The following PCDH15 variants were observed in gnomAD, a reference collection of about 807,000 sequenced individuals.
PCDH15 encodes protocadherin-15.
In PCDH15, 129 loss-of-function variants were observed where a neutral mutation model predicts 178.5. That is an observed-to-expected ratio of 0.72 (90% CI 0.63 to 0.84). PCDH15 has a LOEUF of 0.84. Ranked by LOEUF, PCDH15 falls within the 40% of genes least tolerant of loss-of-function variation. PCDH15 has a pLI of 0.00. For missense variants in PCDH15, 2,230 were observed against 2,099.9 expected, an observed-to-expected ratio of 1.06 and a Z score of -1.21; for synonymous variants, 800 against 732.0, an observed-to-expected ratio of 1.09 and a Z score of -1.50.
chr10:54,601,614 T>C, intron 2 of PCDH15, among the ~76,000 whole-genome samples: 1 of 151,944 alleles, frequency 6.6e-6, no homozygotes, highest in East Asian at 1.9e-4. Context: ...AGTTCGTCCA[T>C]TGTAAGAAGC....
chr10:54,652,103 A>G (rs898140829), intron 2 of PCDH15, among the ~76,000 whole-genome samples: 3 of 152,230 alleles, frequency 2.0e-5, no homozygotes, highest in African/African-American at 7.2e-5. Context: ...ATAGAAAATG[A>G]CATATTCCCT....
intron 2 of PCDH15, among the ~76,000 whole-genome samples, chr10:54,532,017 A>C (rs2083980581): frequency 6.6e-6 from 1 of 152,152 alleles, no homozygotes; most frequent in African/African-American, 2.4e-5. Context: ...CTTGAATTTA[A>C]TTCCTAAAGA....
chr10:54,380,899 A>T (rs1302903949), intron 3 of PCDH15, among the ~76,000 whole-genome samples: 2 of 151,118 alleles, frequency 1.3e-5, no homozygotes, highest in East Asian at 2.0e-4. Context: ...TTATTTAAAG[A>T]TTCTAACTTT....
At chr10:55,484,580 TA>T in intron 2 of PCDH15, among the ~76,000 whole-genome samples, 1 of 151,856 alleles carries the variant, frequency 6.6e-6, no homozygotes, top group South Asian at 2.1e-4. Flanking sequence ...AGACCCCAGA[TA>T]GCCAAAGCAG....
At chr10:54,365,512 G>A (rs990552787) in intron 5 of PCDH15, among the ~76,000 whole-genome samples, 1 of 151,864 alleles carries the variant, frequency 6.6e-6, no homozygotes, top group African/African-American at 2.4e-5. Context: ...ACATATATAA[G>A]CTCTATATTA....
intron 7 of PCDH15, among the ~76,000 whole-genome samples, chr10:54,318,634 G>A (rs1341786379): frequency 1.3e-5 from 2 of 152,044 alleles, no homozygotes; most frequent in Non-Finnish European, 2.9e-5. Context: ...GCTCATTTTG[G>A]CTGTGACAAG....
chr10:54,931,093 A>G (rs1358978414), intron 2 of PCDH15, among the ~76,000 whole-genome samples: 1 of 152,170 alleles, frequency 6.6e-6, no homozygotes. Flanking sequence ...ATCAAATAAC[A>G]ACTTCATGTT....
intron 2 of PCDH15, among the ~76,000 whole-genome samples, chr10:55,004,615 T>C (rs1839878886): frequency 6.6e-6 from 1 of 152,164 alleles, no homozygotes; most frequent in African/African-American, 2.4e-5. Context: ...AATTTCTGTT[T>C]TCCTGCACTT....
intron 9 of PCDH15, among the ~76,000 whole-genome samples, chr10:54,226,767 A>T (rs2053495531): frequency 6.6e-6 from 1 of 152,228 alleles, no homozygotes; most frequent in Admixed American, 6.5e-5. Flanking sequence ...CTTTCTAGAT[A>T]GAGTGGGGAT....
intron 2 of PCDH15, among the ~76,000 whole-genome samples, chr10:55,403,635 A>C (rs1838127495): frequency 6.6e-6 from 1 of 151,812 alleles, no homozygotes; most frequent in South Asian, 2.1e-4. Flanking sequence ...TTCTTTCCGC[A>C]ATATATGTTC....
intron 2 of PCDH15, among the ~76,000 whole-genome samples, chr10:55,150,712 G>A (rs1340949420): frequency 1.3e-5 from 2 of 152,040 alleles, no homozygotes; most frequent in African/African-American, 4.8e-5. Flanking sequence ...TGACGGTAGA[G>A]ATATATAAAT....
At chr10:54,607,168 AGTT>A (rs951029069) in intron 2 of PCDH15, among the ~76,000 whole-genome samples, 14 of 152,194 alleles carry the variant, frequency 9.2e-5, no homozygotes, top group South Asian at 6.2e-4. Flanking sequence ...TGTGAAAATG[AGTT>A]GTTTTATATG....
intron 2 of PCDH15, among the ~76,000 whole-genome samples, chr10:55,355,330 A>G (rs1276296382): frequency 1.3e-5 from 2 of 152,002 alleles, no homozygotes; most frequent in African/African-American, 4.8e-5. Context: ...TAAGAAAGTG[A>G]TCGAGTGTTT....
At chr10:54,850,210 C>T (rs1953592383) in intron 3 of PCDH15, among the ~76,000 whole-genome samples, 1 of 152,124 alleles carries the variant, frequency 6.6e-6, no homozygotes, top group Admixed American at 6.6e-5. Flanking sequence ...TTAGTTCTCT[C>T]AGCAGCATTT....
At chr10:55,226,256 G>A (rs1841036523) in intron 1 of PCDH15, among the ~76,000 whole-genome samples, 1 of 152,070 alleles carries the variant, frequency 6.6e-6, no homozygotes, top group African/African-American at 2.4e-5. Context: ...TAGTCTCAGA[G>A]GAGAAGAGAT....
chr10:54,452,412 T>A (rs2136307368), intron 3 of PCDH15: 1 of 152,178 alleles, frequency 6.6e-6, no homozygotes, highest in Admixed American at 6.6e-5. Context: ...ATTTTACCTA[T>A]ATTTATGCTA....
In PCDH15 at chr10:55,490,623, A is replaced by C. The variant is rs1357811953; in HGVS notation, c.-156+137002T>G. Among the ~76,000 whole-genome samples the C allele has an allele frequency of 3.3e-5, 5 of 151,896 alleles. 1 individual carries two copies. The South Asian group carries it at 8.3e-4, about 25-fold the overall frequency. On this transcript the variant is annotated intron_variant, in intron 2 of 5. Coordinates refer to the PCDH15 transcript ENST00000613346. The stretch of plus-strand genomic sequence containing the variant: ...CTCTAGACTTTACTTTAGAAAGCTA[A>C]AAAACGTACATTGAAAACAATTAAG...
chr10:55,066,969 G>T (rs895796972), intron 2 of PCDH15, among the ~76,000 whole-genome samples: 1 of 151,684 alleles, frequency 6.6e-6, no homozygotes, highest in African/African-American at 2.4e-5. Flanking sequence ...TACCCCAAGT[G>T]CTCTAACTTG....
chr10:53,884,604 A>C (rs191769787), intron 26 of PCDH15, among the ~76,000 whole-genome samples: 10 of 152,324 alleles, frequency 6.6e-5, no homozygotes, highest in African/African-American at 2.4e-4. Flanking sequence ...TTCATTAAAA[A>C]TTACAATCTA....
Sources: gnomAD v4.1 joint callset for allele counts (sites outside exome capture counted in the v4.1 genomes callset) on GRCh38, gnomAD v4.1.1 for gene constraint, MANE v1.5 for transcripts, NCBI Gene and HGNC (gene_info 2026-07-23, HGNC 2026-07-21) for gene names.